The following RNF139 variants were observed in gnomAD, a reference collection of about 807,000 sequenced individuals.
RNF139 encodes the protein E3 ubiquitin-protein ligase RNF139.
Under a neutral mutation model 49.5 loss-of-function variants are expected in RNF139, and 15 were observed. That is an observed-to-expected ratio of 0.30 (90% confidence interval 0.20 to 0.47). The LOEUF (loss-of-function observed/expected upper bound fraction) is 0.47, where lower values mean the gene tolerates loss of function less well. Ranked by LOEUF, RNF139 falls within the 20% of genes least tolerant of loss-of-function variation. The pLI, the probability that RNF139 is intolerant of heterozygous loss-of-function variation, is 1.00. For missense variants in RNF139, 619 were observed against 806.3 expected, an observed-to-expected ratio of 0.77 and a Z score of 2.81; for synonymous variants, 325 against 300.9, an observed-to-expected ratio of 1.08 and a Z score of -0.83.
At chr8:124,476,463 A>C (rs370722842) in intron 1 of RNF139, among the ~76,000 whole-genome samples, 62 of 152,318 alleles carry the variant, frequency 4.1e-4, no homozygotes, top group East Asian at 1.7e-3. Flanking sequence ...CCAGAGCCTG[A>C]GCTTAAAAAT....
At chr8:124,482,238 G>GGTGCCTACAACACGTCAGC (rs1816426625) in intron 1 of RNF139, among the ~76,000 whole-genome samples, 1 of 151,960 alleles carries the variant, frequency 6.6e-6, no homozygotes, top group Non-Finnish European at 1.5e-5. Context: ...CACTAGAAAT[G>GGTGCCTACAACACGTCAGC]TTTCTAAAAC....
chr8:124,481,914 T>C (rs1462215649), intron 1 of RNF139, among the ~76,000 whole-genome samples: 1 of 152,136 alleles, frequency 6.6e-6, no homozygotes, highest in Non-Finnish European at 1.5e-5. Flanking sequence ...ACTTAGGATA[T>C]TGGTTTTTAA....
Position 124,488,039 on chromosome 8 carries a change from A to AATC in RNF139, c.*397_*399dup. ...AAATGGGTGGGAGAATGAAAATGCA[A>AATC]ATCAGGAAACCACATTAAAGTCAAG... On this transcript the variant is annotated 3_prime_UTR_variant, in exon 2 of 2. Coordinates refer to ENST00000303545, the MANE Select transcript of RNF139 (RefSeq NM_007218.4). 1 of 164,702 alleles carries AATC rather than the reference A, an allele frequency of 6.1e-6. No homozygotes were observed. The allele number at this position is 164,702 out of a possible 1,614,324, so 10.2% of individuals were successfully genotyped here. A position where few individuals can be genotyped will look rare whatever the true frequency, so the allele number is the denominator to read the frequency against.
chr8:124,487,596 T>C lies in RNF139; in HGVS notation c.1947T>C (p.Ile649=). The C allele has an allele frequency of 6.2e-7, 1 of 1,612,858 alleles. No individual in the cohort carries two copies. Among genetic ancestry groups the C allele is most frequent in the Non-Finnish European group, 8.5e-7 (1 of 1,179,200 alleles). ...TTCAAAGAGAAAGAAATGGAGTGAT[T>C]CAGCACACAGGCGCAGCAGCTGAAG... ...DDVQRERNGV[I]QHTGAAAEEF... Residue 649 remains isoleucine, a synonymous_variant, in exon 2 of 2, where the codon ATT becomes ATC. Coordinates refer to ENST00000303545, the MANE Select transcript of RNF139 (RefSeq NM_007218.4).
At chr8:124,478,686 C>T (rs1816352173) in intron 1 of RNF139, among the ~76,000 whole-genome samples, 1 of 150,012 alleles carries the variant, frequency 6.7e-6, no homozygotes, top group Middle Eastern at 3.5e-3. Flanking sequence ...AGGTATTTAC[C>T]TTTTTGAAAT....
At position 124,486,776 on chromosome 8, in the gene RNF139, T is replaced by C. The variant is rs761048529; in HGVS notation, c.1127T>C (p.Met376Thr). 3 of 1,614,028 alleles carry C rather than the reference T, an allele frequency of 1.9e-6. No homozygotes were observed. The Admixed American group carries it at 5.0e-5, about 27-fold the overall frequency. The change falls in exon 2 of 2, where the codon ATG becomes ACG. Residue 376 changes from methionine to threonine, a missense_variant. This residue lies in a region of RNF139 where 530 missense variants were observed against 728.9 expected (regional missense o/e 0.73). Coordinates refer to ENST00000303545, the MANE Select transcript of RNF139 (RefSeq NM_007218.4). ...CATGGAATGACAGACCCTGTATTAA[T>C]GTCTCTCAGTGCCTCTCATGTGTCA... ...FIHGMTDPVLMSLSASHVSSF... is the reference protein window; with the variant it reads ...FIHGMTDPVLTSLSASHVSSF...
rs1816291826 is a variant in RNF139, at chr8:124,475,196, C to G, written c.87C>G (p.Pro29=). The change falls in exon 1 of 2, where the codon CCC becomes CCG. Residue 29 remains proline (P), a synonymous_variant. Transcript: ENST00000303545. ...WAALEVALRV[P]CLYIIDAIFN... is the part of the protein sequence containing the mutation. ...CGCTCGAAGTGGCGCTCCGGGTGCC[C>G]TGCCTTTACATCATCGACGCCATCT... The G allele has an allele frequency of 1.9e-6, 3 of 1,614,020 alleles. No individual in the cohort carries two copies. Among genetic ancestry groups the G allele is most frequent in the Non-Finnish European group, 2.5e-6 (3 of 1,179,972 alleles).
intron 1 of RNF139, among the ~76,000 whole-genome samples, chr8:124,482,442 A>G (rs918029384): frequency 2.6e-5 from 4 of 152,148 alleles, no homozygotes; most frequent in Admixed American, 1.3e-4. Context: ...TAAGTGGCAT[A>G]AAGTAGAACT....
Position 124,475,086 on chromosome 8 carries a change from C to G in RNF139, c.-24C>G, listed in dbSNP as rs754855799. On this transcript the variant is annotated 5_prime_UTR_variant, in exon 1 of 2. Coordinates refer to ENST00000303545, the MANE Select transcript of RNF139 (RefSeq NM_007218.4). ...CCCCGCGCGGCCCTGCCCGGCCCAC[C>G]GAGCCCTGGTGTGGCAGCGGCTCAT... 6.6e-6 allele frequency: 10 copies of G among 1,509,368 alleles called. No individual in the cohort carries two copies. In the East Asian group the frequency reaches 7.7e-5, roughly 12 times the overall value. 93.5% of individuals were successfully genotyped at this position (1,509,368 alleles called of 1,614,324 possible).
intron 1 of RNF139, among the ~76,000 whole-genome samples, chr8:124,484,667 C>T (rs1816499941): frequency 6.6e-6 from 1 of 152,068 alleles, no homozygotes; most frequent in Non-Finnish European, 1.5e-5. Flanking sequence ...ATTGTTGAAA[C>T]CTTGGATAAT....
intron 1 of RNF139, 43 bp downstream of exon 1, chr8:124,475,333 G>A (rs751736114): frequency 1.9e-6 from 3 of 1,572,576 alleles, no homozygotes; most frequent in South Asian, 2.3e-5. Flanking sequence ...GGCTATGCGG[G>A]CCGAGACGTT....
intron 1 of RNF139, among the ~76,000 whole-genome samples, chr8:124,483,080 A>AATAT (rs372952270): frequency 1.1e-3 from 1 of 898 alleles, no homozygotes; most frequent in African/African-American, 5.7e-3. Context: ...ATATTATTTA[A>AATAT]ATATATATAT....
At chr8:124,483,119 T>TTTAAATATATATATCTTTAA (rs1286730957) in intron 1 of RNF139, among the ~76,000 whole-genome samples, 9 of 102,784 alleles carry the variant, frequency 8.8e-5, no homozygotes, top group Admixed American at 1.4e-4. Context: ...TAAAAATATA[T>TTTAAATATATATATCTTTAA]ATATTTAAAA....
Position 124,488,479 on chromosome 8 carries a change from T to TC in RNF139, c.*835_*836insC. 1 of 594,368 alleles carries TC rather than the reference T, an allele frequency of 1.7e-6. No individual in the cohort carries two copies. The highest frequency in any genetic ancestry group is 2.4e-5 in the South Asian group (1 of 42,260). The allele number at this position is 594,368 out of a possible 1,614,324, so 36.8% of individuals were successfully genotyped here. A position where few individuals can be genotyped will look rare whatever the true frequency, so the allele number is the denominator to read the frequency against. Reference sequence around the variant, plus strand: ...AAGGGGAATGGTGGGGAATGGTGTGTACCGATATATAGTATTTCTTTAGAC... The same window carrying TC: ...AAGGGGAATGGTGGGGAATGGTGTGTCACCGATATATAGTATTTCTTTAGAC... On this transcript the variant is annotated 3_prime_UTR_variant, in exon 2 of 2. Coordinates refer to ENST00000303545, the MANE Select transcript of RNF139 (RefSeq NM_007218.4).
chr8:124,488,585 A>G lies in RNF139; in HGVS notation c.*941A>G. ...ACATACATGATGGAAAGTGGAAGAC[A>G]TATACCAATTATATTCCAGGAAAAA... On this transcript the variant is annotated 3_prime_UTR_variant, in exon 2 of 2. Transcript: ENST00000303545. 7.4e-7 allele frequency: 1 copy of G among 1,352,618 alleles called. No homozygotes were observed. The highest frequency in any genetic ancestry group is 2.3e-5 in the East Asian group (1 of 43,324). The allele number at this position is 1,352,618 out of a possible 1,614,324, so 83.8% of individuals were successfully genotyped here. A position where few individuals can be genotyped will look rare whatever the true frequency, so the allele number is the denominator to read the frequency against.
At chr8:124,479,558 C>T (rs1302616970) in intron 1 of RNF139, among the ~76,000 whole-genome samples, 1 of 152,094 alleles carries the variant, frequency 6.6e-6, no homozygotes, top group Non-Finnish European at 1.5e-5. Context: ...CAGGATAATT[C>T]TTTGTTTGCG....
intron 1 of RNF139, among the ~76,000 whole-genome samples, chr8:124,482,903 G>A: frequency 7.6e-6 from 1 of 132,436 alleles, no homozygotes; most frequent in Non-Finnish European, 1.6e-5. Context: ...TCCAGCCTGG[G>A]CAACAGGAGC....
At position 124,486,242 on chromosome 8, in the gene RNF139, T is replaced by C. The variant is rs368019902; in HGVS notation, c.593T>C (p.Leu198Pro). ...ACAGTGTTTGTCCTGGCAGTGAAAC[T>C]GAAGTGGTTTTATTATTCCACACGA... ...LNTVFVLAVK[L>P]KWFYYSTRYV... Residue 198 changes from leucine (L) to proline (P), a missense_variant, in exon 2 of 2, where the codon CTG becomes CCG. Leu to Pro is a moderately conservative substitution (Grantham distance 98). Around this residue, in one of 2 missense-constraint regions of RNF139, gnomAD observed 530 missense variants for 728.9 expected, o/e 0.73. Coordinates refer to ENST00000303545, the MANE Select transcript of RNF139 (RefSeq NM_007218.4). 6.2e-7 allele frequency: 1 copy of C among 1,614,138 alleles called. No homozygotes were observed. Among genetic ancestry groups the C allele is most frequent in the Non-Finnish European group, 8.5e-7 (1 of 1,179,986 alleles).
chr8:124,477,770 C>T (rs777710619), intron 1 of RNF139, among the ~76,000 whole-genome samples: 6 of 152,062 alleles, frequency 3.9e-5, no homozygotes, highest in Non-Finnish European at 8.8e-5. Flanking sequence ...GCTGAGTTAG[C>T]AAATTTAAAT....
Sources: allele counts gnomAD v4.1 joint callset (sites outside exome capture counted in the v4.1 genomes callset), GRCh38; gene constraint gnomAD v4.1.1; regional missense constraint gnomAD v4.1.1; transcripts MANE v1.5; gene names NCBI Gene and HGNC (gene_info 2026-07-23, HGNC 2026-07-21).